ERI1: variants seen among roughly 807,000 people sequenced by gnomAD.
ERI1 encodes 3'-5' exoribonuclease 1.
ERI1 carries 39 observed loss-of-function variants against 39.7 expected under a neutral mutation model. That is an observed-to-expected ratio of 0.98 (90% CI 0.76 to 1.28). The LOEUF is 1.28. Among genes scored for constraint, ERI1 ranks in the 50% most tolerant of loss-of-function variants. The probability of loss-of-function intolerance (pLI) is 0.00; values close to 1 mark genes in which losing one functional copy is unlikely to be tolerated. For missense variants in ERI1, 581 were observed against 416.9 expected, an observed-to-expected ratio of 1.39 and a Z score of -3.43; for synonymous variants, 204 against 149.6, an observed-to-expected ratio of 1.36 and a Z score of -2.65.
chr8:9,016,962 C>T (rs1048687217), intron 4 of ERI1, among the ~76,000 whole-genome samples: 1 of 152,300 alleles, frequency 6.6e-6, no homozygotes, highest in East Asian at 1.9e-4. Flanking sequence ...GGATTACAGA[C>T]GTGAGCCACC....
intron 3 of ERI1, among the ~76,000 whole-genome samples, chr8:9,013,525 G>GTTCTCTGCTTACATCCTC (rs1172962872): frequency 6.6e-6 from 1 of 151,672 alleles, no homozygotes; most frequent in Non-Finnish European, 1.5e-5. Flanking sequence ...CCTAGCCCCC[G>GTTCTCTGCTTACATCCTC]TTCTCTGCTT....
intron 1 of ERI1, chr8:9,004,172 T>G: frequency 3.9e-6 from 5 of 1,288,850 alleles, no homozygotes; most frequent in Non-Finnish European, 5.1e-6. Flanking sequence ...TTTGGATCCT[T>G]GCAATTATCT....
chr8:9,011,922 G>A (rs374472809), intron 3 of ERI1, among the ~76,000 whole-genome samples, 170 bp downstream of exon 3: 31 of 152,252 alleles, frequency 2.0e-4, no homozygotes, highest in African/African-American at 7.2e-4. Context: ...CTGTAACAAA[G>A]CAATTTTAGA....
At chr8:9,056,493 TA>T (rs1798511399) in intron 3 of ERI1, among the ~76,000 whole-genome samples, 1 of 151,636 alleles carries the variant, frequency 6.6e-6, no homozygotes, top group Admixed American at 6.6e-5. Flanking sequence ...GTTTGGCTTT[TA>T]TAAATGCATC....
intron 3 of ERI1, among the ~76,000 whole-genome samples, chr8:9,059,577 A>G (rs1798624149): frequency 6.6e-6 from 1 of 152,156 alleles, no homozygotes; most frequent in East Asian, 1.9e-4. Context: ...ACAATTTTGT[A>G]TGAAGTGAAA....
At chr8:9,099,598 C>CA (rs752054721) in intron 3 of ERI1, among the ~76,000 whole-genome samples, 1,432 of 90,382 alleles carry the variant, frequency 0.016, 14 homozygotes, top group South Asian at 0.037. Flanking sequence ...CTCTCTCTCT[C>CA]AAAAAAAAAA....
At chr8:9,069,804 A>G (rs1798991602) in intron 3 of ERI1, among the ~76,000 whole-genome samples, 1 of 152,258 alleles carries the variant, frequency 6.6e-6, no homozygotes, top group South Asian at 2.1e-4. Context: ...GAGGAATTAT[A>G]GAGAAGGAAA....
chr8:9,007,918 T>C lies in ERI1; in HGVS notation c.109-52T>C. 1.9e-6 allele frequency: 3 copies of C among 1,546,662 alleles called. No homozygotes were observed. The South Asian group carries it at 3.8e-5, about 19-fold the overall frequency. On this transcript the variant is annotated intron_variant, in intron 1 of 6. Coordinates refer to ENST00000250263, the MANE Select transcript of ERI1 (RefSeq NM_153332.4). Reference sequence around the variant, plus strand: ...ATCTTTAAATCTGTGATGTTTGTACTAATTATAAACTACATCCTTTTTTTT... The same window carrying C: ...ATCTTTAAATCTGTGATGTTTGTACCAATTATAAACTACATCCTTTTTTTT...
At chr8:9,016,649 G>C (rs1196580560) in intron 4 of ERI1, among the ~76,000 whole-genome samples, 2 of 151,834 alleles carry the variant, frequency 1.3e-5, no homozygotes, top group Non-Finnish European at 2.9e-5. Flanking sequence ...TCTGTAAAAT[G>C]CATCAGCAAA....
downstream of ERI1, among the ~76,000 whole-genome samples, chr8:9,037,047 A>C (rs1797870808): frequency 6.6e-6 from 1 of 152,146 alleles, no homozygotes; most frequent in Non-Finnish European, 1.5e-5. Context: ...CTATTGCTAA[A>C]ATTTAACAGA....
chr8:9,088,896 G>C (rs1414456041), intron 3 of ERI1, among the ~76,000 whole-genome samples: 2 of 152,208 alleles, frequency 1.3e-5, no homozygotes, highest in African/African-American at 4.8e-5. Flanking sequence ...GGTCATGCGG[G>C]TGAGTTAATA....
intron 3 of ERI1, among the ~76,000 whole-genome samples, chr8:9,041,888 C>G (rs2117347922): frequency 6.6e-6 from 1 of 152,282 alleles, no homozygotes; most frequent in South Asian, 2.1e-4. Flanking sequence ...GCATGCACCA[C>G]CACGCCCAGC....
chr8:9,029,015 G>C (rs1266632626), intron 6 of ERI1, among the ~76,000 whole-genome samples: 1 of 145,220 alleles, frequency 6.9e-6, no homozygotes, highest in Non-Finnish European at 1.5e-5. Context: ...CAAGGAACAG[G>C]TTTTTAAATA....
chr8:9,039,329 T>C (rs1797948049), intron 3 of ERI1, among the ~76,000 whole-genome samples: 2 of 152,342 alleles, frequency 1.3e-5, no homozygotes, highest in South Asian at 4.1e-4. Flanking sequence ...GTCATTCATT[T>C]CATGATACAT....
downstream of ERI1, among the ~76,000 whole-genome samples, chr8:9,037,191 C>G (rs566625128): frequency 1.3e-4 from 20 of 152,262 alleles, no homozygotes; most frequent in African/African-American, 4.6e-4. Context: ...CATATAAGAA[C>G]CTTCACAGTC....
At chr8:9,056,223 T>C (rs1798501553) in intron 3 of ERI1, among the ~76,000 whole-genome samples, 1 of 152,260 alleles carries the variant, frequency 6.6e-6, no homozygotes, top group Non-Finnish European at 1.5e-5. Context: ...ACACTGTCTC[T>C]GCGGATTTGG....
intron 3 of ERI1, among the ~76,000 whole-genome samples, chr8:9,095,945 G>A (rs1223248530): frequency 1.3e-5 from 2 of 152,182 alleles, no homozygotes; most frequent in Non-Finnish European, 1.5e-5. Context: ...CTAGCTGCAG[G>A]GCACTGGGTC....
At chr8:9,029,733 T>C in intron 6 of ERI1, 59 bp from the exon 7 acceptor site, 1 of 1,586,118 alleles carries the variant, frequency 6.3e-7, no homozygotes, top group Non-Finnish European at 8.6e-7. Flanking sequence ...ATCTTAACTG[T>C]GGCTTATATT....
chr8:9,016,373 G>C lies in ERI1; in HGVS notation c.550G>C (p.Asp184His). The change falls in exon 4 of 7, where the codon GAT (aspartate) becomes CAT (histidine). Residue 184 changes from aspartate (D) to histidine (H), a missense_variant. Transcript: ENST00000250263. ...VRPEINTQLS[D>H]FCISLTGITQ... The stretch of plus-strand genomic sequence containing the variant: ...ACCAGAGATTAACACACAGCTGTCT[G>C]ATTTCTGCATCAGTCTAACTGGAAT... 1 of 1,607,272 alleles carries C rather than the reference G, an allele frequency of 6.2e-7. No homozygotes were observed. The highest frequency in any genetic ancestry group is 8.5e-7 in the Non-Finnish European group (1 of 1,176,376).
Sources: gnomAD v4.1 joint callset for allele counts (sites outside exome capture counted in the v4.1 genomes callset) on GRCh38, gnomAD v4.1.1 for gene constraint, MANE v1.5 for transcripts, NCBI Gene and HGNC (gene_info 2026-07-23, HGNC 2026-07-21) for gene names.